ICAM5: variants seen among roughly 807,000 people sequenced by gnomAD.
ICAM5 encodes the protein ICAM-5.
Under a neutral mutation model 78.8 loss-of-function variants are expected in ICAM5, and 38 were observed. That is an observed-to-expected ratio of 0.48 (90% CI 0.37 to 0.63). The LOEUF is 0.63. Ranked by LOEUF, ICAM5 falls within the 30% of genes least tolerant of loss-of-function variation. The pLI is 0.00. For missense variants in ICAM5, 1,059 were observed against 1,303.0 expected, an observed-to-expected ratio of 0.81 and a Z score of 2.88; for synonymous variants, 544 against 590.9, an observed-to-expected ratio of 0.92 and a Z score of 1.15.
rs374361583 is a variant in ICAM5 at position 10,293,287 on chromosome 19, G to T, written c.1465+41G>T. The T allele has an allele frequency of 5.3e-5, 81 of 1,531,424 alleles. No homozygotes were observed. The highest frequency in any genetic ancestry group is 7.0e-5 in the Non-Finnish European group (80 of 1,138,060). 94.9% of individuals were successfully genotyped at this position (1,531,424 alleles called of 1,614,324 possible). On this transcript the variant is annotated intron_variant, in intron 6 of 10. Coordinates refer to ENST00000221980, the MANE Select transcript of ICAM5 (RefSeq NM_003259.4). The surrounding 1 kb of genome is among the most constrained non-coding windows in gnomAD (Gnocchi z 5.0). ...CAGGGTGCATTTCTATCTGGTTCAA[G>T]GTCTGGAGGGTGGCCAGCCTCCAGG...
rs776587690 is a variant in ICAM5 at position 10,293,882 on chromosome 19, C to T, written c.1650C>T (p.Tyr550=). The T allele has an allele frequency of 1.2e-6, 2 of 1,611,600 alleles. No homozygotes were observed. Among genetic ancestry groups the T allele is most frequent in the Non-Finnish European group, 8.5e-7 (1 of 1,180,014 alleles). The change falls in exon 7 of 11, where the codon TAC becomes TAT. Residue 550 remains tyrosine (Y), a synonymous_variant. Transcript: ENST00000221980. This position sits in a 1 kb window ranked among gnomAD's most constrained non-coding sequence, Gnocchi z 5.0. ...TGGCCCGGGAGCATGCGGGCACTTA[C>T]CGCTGCGAAGCCACCAACCCTCGGG... ...LRVAREHAGT[Y]RCEATNPRGS...
rs1190533752 is a variant in ICAM5, at chr19:10,294,360, G to A, written c.1991-41G>A. ...CGGGTAGGGAGCAGGGGTGCCCCAC[G>A]GTCCAGGCACTCCCTGACATCCCCC... On this transcript the variant is annotated intron_variant, in intron 8 of 10. Coordinates refer to ENST00000221980, the MANE Select transcript of ICAM5 (RefSeq NM_003259.4). The surrounding 1 kb of genome is among the most constrained non-coding windows in gnomAD (Gnocchi z 7.7). The A allele has an allele frequency of 1.2e-6, 2 of 1,612,170 alleles. No individual in the cohort carries two copies. The highest frequency in any genetic ancestry group is 2.2e-5 in the East Asian group (1 of 44,848).
chr19:10,292,086 G>A lies in ICAM5; in HGVS notation c.725G>A (p.Gly242Asp), dbSNP rs1270613595. 2 of 1,612,942 alleles carry A rather than the reference G, an allele frequency of 1.2e-6. No homozygotes were observed. The highest frequency in any genetic ancestry group is 1.1e-5 in the South Asian group (1 of 91,064). The change falls in exon 4 of 11, where the codon GGC (glycine) becomes GAC (aspartate). Residue 242 changes from glycine to aspartate, a missense_variant. Gly to Asp is a moderately conservative substitution (Grantham distance 94). Coordinates refer to ENST00000221980, the MANE Select transcript of ICAM5 (RefSeq NM_003259.4). ...RLAAPRLLEV[G>D]SERPVSCTLD... is the part of the protein sequence containing the mutation. ...GCTGCTCCCCGGCTCTTGGAAGTTG[G>A]CTCGGAAAGGCCCGTGAGCTGCACT... is the stretch of plus-strand genomic sequence containing the variant.
chr19:10,292,434 G>T, intron 4 of ICAM5, 112 bp downstream of exon 4: 2 of 1,303,976 alleles, frequency 1.5e-6, no homozygotes, highest in South Asian at 2.9e-5. Context: ...CCCGAGGGGC[G>T]GGGCAGGTGG....
Position 10,293,568 on chromosome 19 carries a change from C to G in ICAM5, c.1466-130C>G. On this transcript the variant is annotated intron_variant, in intron 6 of 10. Coordinates refer to ENST00000221980, the MANE Select transcript of ICAM5 (RefSeq NM_003259.4). The surrounding 1 kb of genome is among the most constrained non-coding windows in gnomAD (Gnocchi z 5.0). ...AGTGCATGCCTCGACTAGCGTGACA[C>G]CTCCTTGGATCGGCGTCCAAGGGTT... 1 of 1,298,910 alleles carries G rather than the reference C, an allele frequency of 7.7e-7. No individual in the cohort carries two copies. Among genetic ancestry groups the G allele is most frequent in the Non-Finnish European group, 1.1e-6 (1 of 947,456 alleles). 80.5% of individuals were successfully genotyped at this position (1,298,910 alleles called of 1,614,324 possible).
Position 10,293,159 on chromosome 19 carries a change from G to C in ICAM5, c.1378G>C (p.Val460Leu). 3.1e-6 allele frequency: 5 copies of C among 1,611,510 alleles called. No individual in the cohort carries two copies. Among genetic ancestry groups the C allele is most frequent in the South Asian group, 2.2e-5 (2 of 90,938 alleles). The stretch of plus-strand genomic sequence containing the variant: ...GCTGGCTCTGGGCCTGCTGGGTCCA[G>C]TCACTCGGGCGCTCTCAGGCACTTA... ...AVLALGLLGP[V>L]TRALSGTYRC... The change falls in exon 6 of 11, where the codon GTC (valine) becomes CTC (leucine). Residue 460 changes from valine (V) to leucine (L), a missense_variant. Around this residue, in one of 3 missense-constraint regions of ICAM5, gnomAD observed 815 missense variants for 952.8 expected, o/e 0.86. Coordinates refer to ENST00000221980, the MANE Select transcript of ICAM5 (RefSeq NM_003259.4). This position sits in a 1 kb window ranked among gnomAD's most constrained non-coding sequence, Gnocchi z 5.0.
rs759718105 is a variant in ICAM5, at chr19:10,293,266, GT to G, written c.1465+21del. Reference sequence around the variant, plus strand: ...TGGAGTGTGAGTGGGGGTGCGCAGGGTGCATTTCTATCTGGTTCAAGGTCTG... The same window carrying G: ...TGGAGTGTGAGTGGGGGTGCGCAGGGGCATTTCTATCTGGTTCAAGGTCTG... On this transcript the variant is annotated intron_variant, in intron 6 of 10. Transcript: ENST00000221980. The surrounding 1 kb of genome is among the most constrained non-coding windows in gnomAD (Gnocchi z 5.0). The G allele has an allele frequency of 6.4e-7, 1 of 1,558,516 alleles. No homozygotes were observed. Among genetic ancestry groups the G allele is most frequent in the Admixed American group, 1.9e-5 (1 of 53,954 alleles).
intron 3 of ICAM5, 30 bp downstream of exon 3, chr19:10,291,839 C>A: frequency 6.3e-7 from 1 of 1,591,098 alleles, no homozygotes. Context: ...AGATGGGGAC[C>A]CAGTGGGGTC....
At position 10,291,614 on chromosome 19, in the gene ICAM5, G is replaced by A. The variant is rs751609350; in HGVS notation, c.478G>A (p.Gly160Ser). The change falls in exon 3 of 11, where the codon GGC becomes AGC. Residue 160 changes from glycine (G) to serine (S), a missense_variant. Physicochemically the swap from Gly to Ser is moderately conservative, Grantham distance 56 (BLOSUM62 0). Transcript: ENST00000221980. ...RASLTLTLLR[G>S]AQELIRRSFA... ...GAGCCTCACGCTGACCCTGCTGCGG[G>A]GCGCCCAGGAGCTGATCCGCCGCAG... 11 of 1,611,664 alleles carry A rather than the reference G, an allele frequency of 6.8e-6. No homozygotes were observed. The highest frequency in any genetic ancestry group is 9.3e-6 in the Non-Finnish European group (11 of 1,179,536).
intron 10 of ICAM5, among the ~76,000 whole-genome samples, chr19:10,295,958 G>A (rs1051923826): frequency 6.6e-6 from 1 of 152,146 alleles, no homozygotes; most frequent in African/African-American, 2.4e-5. Flanking sequence ...GTCATTGGAT[G>A]TTGGAGGGAG....
At position 10,290,083 on chromosome 19, in the gene ICAM5, G is replaced by A. The variant is rs376558743; in HGVS notation, c.40G>A (p.Gly14Ser). ...PSPGLRRALL[G>S]LWAALGLGLF... ...GCCAGGGCTGCGCCGGGCGCTACTC[G>A]GCCTCTGGGCTGCTCTGGGCCTGGG... Residue 14 changes from glycine (G) to serine (S), a missense_variant, in exon 1 of 11, where the codon GGC becomes AGC. This residue lies in a region of ICAM5 where 815 missense variants were observed against 952.8 expected (regional missense o/e 0.86). Transcript: ENST00000221980. This position sits in a 1 kb window ranked among gnomAD's most constrained non-coding sequence, Gnocchi z 5.7. 7.9e-4 allele frequency: 1,211 copies of A among 1,542,328 alleles called. 12 individuals carry two copies. The highest frequency in any genetic ancestry group is 4.0e-4 in the Admixed American group (20 of 50,042).
Position 10,292,645 on chromosome 19 carries a change from C to G in ICAM5, c.995C>G (p.Pro332Arg), listed in dbSNP as rs114980880. The change falls in exon 5 of 11, where the codon CCC (proline) becomes CGC (arginine). Residue 332 changes from proline to arginine, a missense_variant. Physicochemically the swap from Pro to Arg is moderately radical, Grantham distance 103. Around this residue, in one of 3 missense-constraint regions of ICAM5, gnomAD observed 815 missense variants for 952.8 expected, o/e 0.86. Coordinates refer to ENST00000221980, the MANE Select transcript of ICAM5 (RefSeq NM_003259.4). ...FPAPLLTLSE[P>R]SVSEGQMVTV... ...GCACCACTCCTGACCCTGAGCGAAC[C>G]CAGCGTCTCCGAGGGGCAGATGGTG... The G allele has an allele frequency of 1.4e-4, 227 of 1,596,498 alleles. 1 individual carries two copies. The African/African-American group carries it at 2.8e-3, about 20-fold the overall frequency.
In ICAM5 at chr19:10,293,928, G is replaced by T; in HGVS notation, c.1696G>T (p.Ala566Ser). ...TCGGGGCTCTGCGGCCAAAAATGTG[G>T]CCGTCACGGTGGAATGTGAGTAGGG... ...NPRGSAAKNV[A>S]VTVEYGPRFE... Residue 566 changes from alanine to serine, a missense_variant, in exon 7 of 11, where the codon GCC becomes TCC. Transcript: ENST00000221980. This position sits in a 1 kb window ranked among gnomAD's most constrained non-coding sequence, Gnocchi z 5.0. The T allele has an allele frequency of 4.3e-6, 7 of 1,611,982 alleles. No homozygotes were observed. Among genetic ancestry groups the T allele is most frequent in the Non-Finnish European group, 5.9e-6 (7 of 1,179,768 alleles).
chr19:10,294,716 G>A lies in ICAM5; in HGVS notation c.2230+76G>A. 2 of 1,592,232 alleles carry A rather than the reference G, an allele frequency of 1.3e-6. No individual in the cohort carries two copies. Among genetic ancestry groups the A allele is most frequent in the Non-Finnish European group, 1.7e-6 (2 of 1,170,004 alleles). ...CTCGCAGCGGTGGGAGCATTCAAGG[G>A]CACCTCTCCCAATCCCATTCTCGGG... On this transcript the variant is annotated intron_variant, in intron 9 of 10. Transcript: ENST00000221980. The surrounding 1 kb of genome is among the most constrained non-coding windows in gnomAD (Gnocchi z 7.7).
rs879397237 is a variant in ICAM5 at position 10,296,478 on chromosome 19, C to T, written c.2637C>T (p.Gly879=). The T allele has an allele frequency of 4.6e-5, 60 of 1,293,456 alleles. No homozygotes were observed. Among genetic ancestry groups the T allele is most frequent in the Non-Finnish European group, 6.0e-5 (60 of 1,002,244 alleles). The allele number at this position is 1,293,456 out of a possible 1,614,324, so 80.1% of individuals were successfully genotyped here. ...ACGTGCAGGAGGCCGAGAGCTCAGG[C>T]GAGGCCGTGTGTCTGAACGGAGCGG... ...EYNVQEAESS[G]EAVCLNGAGG... Residue 879 remains glycine, a synonymous_variant, in exon 11 of 11, where the codon GGC becomes GGT. Transcript: ENST00000221980.
rs2040173728 is a variant in ICAM5 at position 10,291,657 on chromosome 19, C to A, written c.521C>A (p.Pro174His). Residue 174 changes from proline to histidine, a missense_variant, in exon 3 of 11, where the codon CCC becomes CAC. Physicochemically the swap from Pro to His is moderately conservative, Grantham distance 77. Coordinates refer to ENST00000221980, the MANE Select transcript of ICAM5 (RefSeq NM_003259.4). ...CGCCGCAGCTTCGCCGGTGAACCACCCCGAGCGCGGGGCGCGGTGCTCACA... is the reference window on the plus strand; with the variant it reads ...CGCCGCAGCTTCGCCGGTGAACCACACCGAGCGCGGGGCGCGGTGCTCACA... ...LIRRSFAGEPPRARGAVLTAT... is the reference protein window; with the variant it reads ...LIRRSFAGEPHRARGAVLTAT... 6.2e-7 allele frequency: 1 copy of A among 1,611,944 alleles called. No individual in the cohort carries two copies. The highest frequency in any genetic ancestry group is 1.3e-5 in the African/African-American group (1 of 74,926).
rs1200307816 is a variant in ICAM5 at position 10,293,351 on chromosome 19, A to G, written c.1465+105A>G. On this transcript the variant is annotated intron_variant, in intron 6 of 10. Transcript: ENST00000221980. This position sits in a 1 kb window ranked among gnomAD's most constrained non-coding sequence, Gnocchi z 5.0. Reference sequence around the variant, plus strand: ...AGGGTATGAGGTGTCCCTTTGGGTGAGGTTTTGGGAAAGGGAAGAGGCTGG... The same window carrying G: ...AGGGTATGAGGTGTCCCTTTGGGTGGGGTTTTGGGAAAGGGAAGAGGCTGG... The G allele has an allele frequency of 7.0e-7, 1 of 1,428,202 alleles. No homozygotes were observed. The highest frequency in any genetic ancestry group is 1.4e-5 in the African/African-American group (1 of 70,072). The allele number at this position is 1,428,202 out of a possible 1,614,324, so 88.5% of individuals were successfully genotyped here.
rs1237936589 is a variant in ICAM5, at chr19:10,290,917, C to T, written c.83-155C>T. 2 of 959,866 alleles carry T rather than the reference C, an allele frequency of 2.1e-6. No homozygotes were observed. The highest frequency in any genetic ancestry group is 3.0e-6 in the Non-Finnish European group (2 of 661,376). The allele number at this position is 959,866 out of a possible 1,614,324, so 59.5% of individuals were successfully genotyped here. A position where few individuals can be genotyped will look rare whatever the true frequency, so the allele number is the denominator to read the frequency against. On this transcript the variant is annotated intron_variant, in intron 1 of 10. Transcript: ENST00000221980. The surrounding 1 kb of genome is among the most constrained non-coding windows in gnomAD (Gnocchi z 5.7). ...AGACTCTGGGAGTGCGCCTTTAAAC[C>T]GGAGGCCTGGGCAGGACGCGGGACG...
Position 10,294,277 on chromosome 19 carries a change from G to A in ICAM5, c.1949G>A (p.Arg650His), listed in dbSNP as rs761293492. The A allele has an allele frequency of 1.2e-6, 2 of 1,613,476 alleles. No individual in the cohort carries two copies. The highest frequency in any genetic ancestry group is 1.1e-5 in the South Asian group (1 of 91,058). ...ATCTACGTCTGCAACGCCACCAACC[G>A]CCACGGCTCCGTGGCCAAAACAGTC... is the stretch of plus-strand genomic sequence containing the variant. ...PGIYVCNATN[R>H]HGSVAKTVVV... is the part of the protein sequence containing the mutation. The change falls in exon 8 of 11, where the codon CGC becomes CAC. Residue 650 changes from arginine to histidine, a missense_variant. Transcript: ENST00000221980. The surrounding 1 kb of genome is among the most constrained non-coding windows in gnomAD (Gnocchi z 7.7).
Sources: allele counts gnomAD v4.1 joint callset (sites outside exome capture counted in the v4.1 genomes callset), GRCh38; gene constraint gnomAD v4.1.1; regional missense constraint gnomAD v4.1.1; non-coding constraint Gnocchi (gnomAD v3.1); transcripts MANE v1.5; gene names NCBI Gene and HGNC (gene_info 2026-07-23, HGNC 2026-07-21).